KIAA2012: variants seen among roughly 807,000 people sequenced by gnomAD.
The protein encoded by KIAA2012 is KIAA2012, also known as uncharacterized protein KIAA2012.
A neutral mutation model predicts 150.6 loss-of-function variants in KIAA2012; 125 were observed. The ratio of observed to expected loss-of-function variants is 0.83; its 90% CI spans 0.72 to 0.96. The LOEUF (loss-of-function observed/expected upper bound fraction) is 0.96. Among genes scored for constraint, KIAA2012 ranks in the 40% least tolerant of loss-of-function variants. KIAA2012 has a pLI of 0.00. For synonymous variants in KIAA2012, 462 were observed against 504.7 expected (o/e 0.92, Z 1.13); for missense variants, 1,219 against 1,354.9 (o/e 0.90, Z 1.57).
intron 11 of KIAA2012, among the ~76,000 whole-genome samples, chr2:202,124,386 CAAAAAAAA>C (rs35969312): frequency 6.7e-6 from 1 of 148,762 alleles, no homozygotes; most frequent in Non-Finnish European, 1.5e-5. Flanking sequence ...TAGCAGATCA[CAAAAAAAA>C]AATTCATCAG....
chr2:202,167,295 G>A (rs1282517270), intron 15 of KIAA2012, among the ~76,000 whole-genome samples: 1 of 152,038 alleles, frequency 6.6e-6, no homozygotes, highest in African/African-American at 2.4e-5. Context: ...ACTTCAATGT[G>A]CATCAGAATC....
At chr2:202,130,106 C>T (rs1297091331) in intron 12 of KIAA2012, among the ~76,000 whole-genome samples, 1 of 152,140 alleles carries the variant, frequency 6.6e-6, no homozygotes, top group East Asian at 1.9e-4. Flanking sequence ...AAGCTGACTG[C>T]TGGGACTCGT....
At chr2:202,106,072 A>T in intron 9 of KIAA2012, 162 bp downstream of exon 9, 14 of 1,519,616 alleles carry the variant, frequency 9.2e-6, no homozygotes, top group Non-Finnish European at 1.1e-5. Context: ...AGCTGCCTTC[A>T]CCAAAGTGCT....
intron 11 of KIAA2012, among the ~76,000 whole-genome samples, chr2:202,121,563 C>T (rs898012834): frequency 1.3e-5 from 2 of 152,192 alleles, no homozygotes; most frequent in Admixed American, 6.5e-5. Flanking sequence ...TCTCAGGCAC[C>T]TTGCTATGCA....
At chr2:202,184,553 T>A (rs574040088) in intron 15 of KIAA2012, among the ~76,000 whole-genome samples, 200 bp from the exon 16 acceptor site, 48 of 152,280 alleles carry the variant, frequency 3.2e-4, no homozygotes, top group Non-Finnish European at 5.4e-4. Context: ...CCAAAGGATA[T>A]TTTAATACTA....
In KIAA2012 at chr2:202,173,311, G is replaced by A. The variant is rs147497597; in HGVS notation, c.2119+7955G>A. Among the ~76,000 whole-genome samples, 1,072 of 152,244 alleles carry A rather than the reference G, an allele frequency of 7.0e-3. 9 individuals carry two copies. The highest frequency in any genetic ancestry group is 0.024 in the African/African-American group (981 of 41,546). On this transcript the variant is annotated intron_variant, in intron 15 of 23. Transcript: ENST00000498697. ...TAGGCCGGGCCTGGTCACTCACGCC[G>A]GTAATCCCAGCACTATGGGAGGCCA...
intron 14 of KIAA2012, among the ~76,000 whole-genome samples, chr2:202,155,621 T>G (rs1691511830): frequency 6.6e-6 from 1 of 152,112 alleles, no homozygotes; most frequent in Non-Finnish European, 1.5e-5. Flanking sequence ...TCCAGGCCTT[T>G]GATAAGAAAT....
At chr2:202,146,384 G>A (rs977774499) in intron 13 of KIAA2012, among the ~76,000 whole-genome samples, 6 of 152,064 alleles carry the variant, frequency 3.9e-5, no homozygotes, top group African/African-American at 1.2e-4. Flanking sequence ...TGTAATCCCA[G>A]AACTTTGGGA....
chr2:202,075,426 T>C (rs1303969685), intron 2 of KIAA2012, among the ~76,000 whole-genome samples: 2 of 152,242 alleles, frequency 1.3e-5, no homozygotes, highest in African/African-American at 2.4e-5. Context: ...ATCATCATTT[T>C]ATGTTTTCCT....
In KIAA2012 at chr2:202,124,652, T is replaced by G. The variant is rs140689347; in HGVS notation, c.1763-562T>G. Among the ~76,000 whole-genome samples, 499 of 152,342 alleles carry G rather than the reference T, an allele frequency of 3.3e-3. 3 individuals carry two copies. The highest frequency in any genetic ancestry group is 0.011 in the African/African-American group (463 of 41,574). ...TGTCAAAAGTTCTTCTTACAGAATT[T>G]TATCATCATGGACCCTACAGAATTT... On this transcript the variant is annotated intron_variant, in intron 11 of 23. Coordinates refer to ENST00000498697, the MANE Select transcript of KIAA2012 (RefSeq NM_001277372.4).
intron 22 of KIAA2012, among the ~76,000 whole-genome samples, chr2:202,199,190 G>C (rs773003556): frequency 3.3e-5 from 5 of 152,190 alleles, no homozygotes; most frequent in Non-Finnish European, 5.9e-5. Context: ...AGACTCAGGA[G>C]AATTTGATAC....
At chr2:202,184,871 G>A in intron 16 of KIAA2012, 28 bp downstream of exon 16, 1 of 1,487,816 alleles carries the variant, frequency 6.7e-7, no homozygotes, top group South Asian at 1.3e-5. Context: ...TAATAACATA[G>A]GCTTCTCTGC....
At chr2:202,169,600 G>A (rs892035152) in intron 15 of KIAA2012, among the ~76,000 whole-genome samples, 1 of 152,146 alleles carries the variant, frequency 6.6e-6, no homozygotes, top group Non-Finnish European at 1.5e-5. Context: ...GTACCAAGTC[G>A]TTTCATCATA....
chr2:202,079,706 G>C lies in KIAA2012; in HGVS notation c.369+4531G>C, dbSNP rs565267477. On this transcript the variant is annotated intron_variant, in intron 2 of 23. Transcript: ENST00000498697. ...TGGATACACACAAATATGTCGCTTG[G>C]TTGGTTTTTTGTTGTTGTTGTTTTT... Among the ~76,000 whole-genome samples, 4 of 152,292 alleles carry C rather than the reference G, an allele frequency of 2.6e-5. No homozygotes were observed. The East Asian group carries it at 7.7e-4, about 29-fold the overall frequency.
rs1338685946 is a variant in KIAA2012 at position 202,203,231 on chromosome 2, G to C, written c.*20+644G>C. 5.3e-5 allele frequency among the ~76,000 whole-genome samples: 8 copies of C among 152,228 alleles called. No individual in the cohort carries two copies. The East Asian group carries it at 9.6e-4, about 18-fold the overall frequency. ...CATTTCAGTCAATGTATCTGAAAGA[G>C]TTTAGATAAATGAAAATTTTGTAAT... On this transcript the variant is annotated intron_variant, in intron 23 of 23. Coordinates refer to ENST00000498697, the MANE Select transcript of KIAA2012 (RefSeq NM_001277372.4).
chr2:202,176,350 C>T (rs987360320), intron 15 of KIAA2012, among the ~76,000 whole-genome samples: 10 of 152,074 alleles, frequency 6.6e-5, no homozygotes, highest in African/African-American at 2.4e-4. Flanking sequence ...GTGTGTGCCA[C>T]CAGGCCCGGC....
chr2:202,108,544 A>G (rs1690259168), intron 9 of KIAA2012, among the ~76,000 whole-genome samples: 2 of 152,224 alleles, frequency 1.3e-5, no homozygotes, highest in South Asian at 2.1e-4. Context: ...TTTTCATGAC[A>G]TCGACATTTT....
chr2:202,190,629 T>G, intron 19 of KIAA2012, 136 bp downstream of exon 19: 1 of 693,046 alleles, frequency 1.4e-6, no homozygotes. Flanking sequence ...ATTGTTCTAC[T>G]TTGGTATCTT....
At chr2:202,189,289 T>C (rs1463076849) in intron 18 of KIAA2012, among the ~76,000 whole-genome samples, 2 of 151,208 alleles carry the variant, frequency 1.3e-5, no homozygotes, top group Non-Finnish European at 2.9e-5. Context: ...CAGAGTGAAA[T>C]AGAACCTTTT....
Sources: allele counts gnomAD v4.1 joint callset (sites outside exome capture counted in the v4.1 genomes callset), GRCh38; gene constraint gnomAD v4.1.1; transcripts MANE v1.5; gene names NCBI Gene and HGNC (gene_info 2026-07-23, HGNC 2026-07-21).